Variants in PAMR1 observed in about 807,000 individuals in gnomAD.
PAMR1 encodes peptidase domain containing associated with muscle regeneration 1.
PAMR1 carries 88 observed loss-of-function variants against 81.8 expected under a neutral mutation model. That is an observed-to-expected ratio of 1.08 (90% CI 0.91 to 1.28). The LOEUF (loss-of-function observed/expected upper bound fraction) is 1.28. Among genes scored for constraint, PAMR1 ranks in the 50% most tolerant of loss-of-function variants. The pLI is 0.00. For missense variants in PAMR1, 935 were observed against 919.7 expected, an observed-to-expected ratio of 1.02 and a Z score of -0.21; for synonymous variants, 336 against 345.3, an observed-to-expected ratio of 0.97 and a Z score of 0.30.
At chr11:35,470,358 T>C (rs546188905) in intron 5 of PAMR1, among the ~76,000 whole-genome samples, 3 of 152,204 alleles carry the variant, frequency 2.0e-5, no homozygotes, top group Non-Finnish European at 2.9e-5. Flanking sequence ...GGACAAGTCA[T>C]TCAGCCTCTC....
At chr11:35,463,851 T>C (rs1856709620) in intron 6 of PAMR1, among the ~76,000 whole-genome samples, 1 of 152,322 alleles carries the variant, frequency 6.6e-6, no homozygotes, top group South Asian at 2.1e-4. Flanking sequence ...ATCTAGCTGA[T>C]TATTTTGCAT....
chr11:35,437,753 C>T (rs1856082715), intron 8 of PAMR1, among the ~76,000 whole-genome samples: 1 of 152,244 alleles, frequency 6.6e-6, no homozygotes, highest in Non-Finnish European at 1.5e-5. Flanking sequence ...GCCCAGTAGT[C>T]TTTCTGAATA....
In PAMR1 at chr11:35,432,661, C is replaced by G; in HGVS notation, c.1858G>C (p.Gly620Arg). Reference sequence around the variant, plus strand: ...AGCGAGTCCACCACACTGACCACCCCAGAGCGCAGTGTGTCGTTCTTGAAG... The same window carrying G: ...AGCGAGTCCACCACACTGACCACCCGAGAGCGCAGTGTGTCGTTCTTGAAG... ...PGFKNDTLRS[G>R]VVSVVDSLLC... The change falls in exon 11 of 11, where the codon GGG becomes CGG. Residue 620 changes from glycine (G) to arginine (R), a missense_variant. Physicochemically the swap from Gly to Arg is moderately radical, Grantham distance 125. Coordinates refer to ENST00000619888, the MANE Select transcript of PAMR1 (RefSeq NM_001001991.3). The G allele has an allele frequency of 1.2e-6, 2 of 1,613,842 alleles. No homozygotes were observed. The highest frequency in any genetic ancestry group is 1.7e-6 in the Non-Finnish European group (2 of 1,179,742).
At chr11:35,499,915 G>GC (rs770414996) in intron 1 of PAMR1, among the ~76,000 whole-genome samples, 60 of 152,276 alleles carry the variant, frequency 3.9e-4, no homozygotes, top group South Asian at 8.3e-4. Flanking sequence ...TAATCACAAG[G>GC]CCCCCCGTAA....
At chr11:35,507,144 T>A (rs573580224) in intron 1 of PAMR1, among the ~76,000 whole-genome samples, 120 of 149,698 alleles carry the variant, frequency 8.0e-4, no homozygotes, top group Middle Eastern at 7.0e-3. Flanking sequence ...CCTCCCAGGT[T>A]CAAGCGATTC....
intron 1 of PAMR1, among the ~76,000 whole-genome samples, chr11:35,523,248 T>C (rs1243097794): frequency 6.6e-6 from 1 of 152,226 alleles, no homozygotes; most frequent in Non-Finnish European, 1.5e-5. Context: ...TGGCTTTTCC[T>C]GCCCACTGAA....
chr11:35,503,283 C>T (rs1333140378), intron 1 of PAMR1, among the ~76,000 whole-genome samples: 2 of 139,774 alleles, frequency 1.4e-5, no homozygotes, highest in African/African-American at 2.8e-5. Context: ...ATGTCTCCAG[C>T]TTTTTTTTTT....
At chr11:35,439,789 C>G (rs1856126921) in intron 7 of PAMR1, 96 bp from the exon 8 acceptor site, 1 of 1,005,652 alleles carries the variant, frequency 9.9e-7, no homozygotes, top group Non-Finnish European at 1.6e-6. Context: ...CTTCTGGACA[C>G]CAGGTGCCCA....
At chr11:35,467,748 T>C (rs750534570) in intron 6 of PAMR1, among the ~76,000 whole-genome samples, 2 of 152,172 alleles carry the variant, frequency 1.3e-5, no homozygotes, top group Non-Finnish European at 2.9e-5. Flanking sequence ...TAGAGGCCAT[T>C]GTATCTTTCT....
At chr11:35,524,434 C>A (rs1463516221) in intron 1 of PAMR1, among the ~76,000 whole-genome samples, 2 of 152,160 alleles carry the variant, frequency 1.3e-5, no homozygotes, top group Non-Finnish European at 2.9e-5. Flanking sequence ...TTCCCTTCTA[C>A]ACAGGTTATT....
At chr11:35,505,963 G>T (rs1486633110) in intron 1 of PAMR1, among the ~76,000 whole-genome samples, 2 of 150,726 alleles carry the variant, frequency 1.3e-5, no homozygotes, top group Non-Finnish European at 3.0e-5. Flanking sequence ...TGTGGTTAAG[G>T]GTTATTCTCG....
Position 35,474,707 on chromosome 11 carries a change from A to C in PAMR1, c.417T>G (p.Ile139Met). The change falls in exon 4 of 11, where the codon ATT becomes ATG. Residue 139 changes from isoleucine to methionine, a missense_variant. Physicochemically the swap from Ile to Met is conservative, Grantham distance 10. Transcript: ENST00000619888. ...GQVLRAPKGQ[I>M]LLESYPLNAH... ...CATTTAGGGGATAGCTTTCCAACAAAATCTGACCCTTTGGGGCTCGCAGAA... is the reference window on the plus strand; with the variant it reads ...CATTTAGGGGATAGCTTTCCAACAACATCTGACCCTTTGGGGCTCGCAGAA... 6.2e-7 allele frequency: 1 copy of C among 1,611,470 alleles called. No individual in the cohort carries two copies.
At chr11:35,437,313 G>C (rs1856072686) in intron 8 of PAMR1, among the ~76,000 whole-genome samples, 1 of 152,180 alleles carries the variant, frequency 6.6e-6, no homozygotes, top group Admixed American at 6.5e-5. Context: ...AGTACGCAGA[G>C]GCACGCAGTA....
At chr11:35,520,262 G>GACA (rs1455406851) in intron 1 of PAMR1, among the ~76,000 whole-genome samples, 10 of 152,122 alleles carry the variant, frequency 6.6e-5, no homozygotes, top group Non-Finnish European at 1.3e-4. Flanking sequence ...CTGTCTCATA[G>GACA]ACAACTGCAA....
intron 6 of PAMR1, among the ~76,000 whole-genome samples, chr11:35,461,620 A>C (rs7129500): frequency 0.1 from 15,815 of 151,870 alleles, 973 homozygotes; most frequent in Non-Finnish European, 0.15. Context: ...TAAAAAAAAA[A>C]ACACACATAC....
intron 1 of PAMR1, among the ~76,000 whole-genome samples, chr11:35,506,133 A>G (rs945636074): frequency 4.2e-5 from 3 of 70,898 alleles, no homozygotes; most frequent in African/African-American, 1.8e-4. Context: ...AAAAAACAGG[A>G]AGAAAGAAAA....
intron 6 of PAMR1, among the ~76,000 whole-genome samples, chr11:35,452,259 C>A (rs1395826384): frequency 6.6e-6 from 1 of 151,810 alleles, no homozygotes; most frequent in Non-Finnish European, 1.5e-5. Flanking sequence ...AAATCAGATA[C>A]CACTGAAGAG....
intron 1 of PAMR1, among the ~76,000 whole-genome samples, chr11:35,501,165 C>T (rs571520732): frequency 1.4e-4 from 21 of 145,160 alleles, no homozygotes; most frequent in Admixed American, 4.2e-4. Context: ...GGGTCTCACT[C>T]TGTCACCCAG....
At chr11:35,443,099 C>T (rs1039643201) in intron 6 of PAMR1, among the ~76,000 whole-genome samples, 18 of 152,228 alleles carry the variant, frequency 1.2e-4, no homozygotes, top group African/African-American at 4.1e-4. Context: ...CTAGTAGACT[C>T]CCTGGTTTCC....
Sources: allele counts gnomAD v4.1 joint callset (sites outside exome capture counted in the v4.1 genomes callset), GRCh38; gene constraint gnomAD v4.1.1; transcripts MANE v1.5; gene names NCBI Gene and HGNC (gene_info 2026-07-23, HGNC 2026-07-21).